The following GDI2 variants were observed in gnomAD, a reference collection of about 807,000 sequenced individuals.
GDI2 encodes the protein GDP dissociation inhibitor 2, also known as rab GDP dissociation inhibitor beta.
Under a neutral mutation model 54.2 loss-of-function variants are expected in GDI2, and 22 were observed. That is an observed-to-expected ratio of 0.41 (90% confidence interval 0.29 to 0.58). The LOEUF (loss-of-function observed/expected upper bound fraction) is 0.58, where lower values mean the gene tolerates loss of function less well. Ranked by LOEUF, GDI2 falls within the 20% of genes least tolerant of loss-of-function variation. The pLI, the probability that GDI2 is intolerant of heterozygous loss-of-function variation, is 0.35. For synonymous variants in GDI2, 177 were observed against 182.1 expected (o/e 0.97, Z 0.23); for missense variants, 422 against 546.0 (o/e 0.77, Z 2.26).
chr10:5,780,491 T>A (rs986589248), intron 6 of GDI2, among the ~76,000 whole-genome samples: 1 of 151,300 alleles, frequency 6.6e-6, no homozygotes, highest in Admixed American at 6.7e-5. Flanking sequence ...ACAGATGACA[T>A]GACTGTGTAG....
At chr10:5,790,416 GGTGGATCACCT>G (rs1313501124) in intron 4 of GDI2, among the ~76,000 whole-genome samples, 1 of 152,104 alleles carries the variant, frequency 6.6e-6, no homozygotes, top group African/African-American at 2.4e-5. Flanking sequence ...GAACGAGGCA[GGTGGATCACCT>G]GAAATCAGAA....
intron 7 of GDI2, among the ~76,000 whole-genome samples, chr10:5,771,468 T>A (rs1433796492): frequency 6.6e-6 from 1 of 152,190 alleles, no homozygotes; most frequent in Non-Finnish European, 1.5e-5. Flanking sequence ...TTAGCATATT[T>A]TATGTGTGAC....
At chr10:5,804,982 C>T (rs994612894) in intron 1 of GDI2, among the ~76,000 whole-genome samples, 49 of 152,000 alleles carry the variant, frequency 3.2e-4, no homozygotes, top group Admixed American at 2.6e-4. Flanking sequence ...TACAGGTGTG[C>T]GCCACCACGC....
intron 1 of GDI2, among the ~76,000 whole-genome samples, chr10:5,801,947 G>A (rs894469068): frequency 1.3e-5 from 2 of 152,114 alleles, no homozygotes; most frequent in African/African-American, 4.8e-5. Flanking sequence ...GGCAGAGGCT[G>A]CTGTGAGCTG....
Position 5,768,613 on chromosome 10 carries a change from G to T in GDI2, c.820-229C>A, listed in dbSNP as rs368775928. ...AAGCTACAGTGATCAATTCAGTGTG[G>T]TACTGGCATAATGACAAACGTATGG... On this transcript the variant is annotated intron_variant, in intron 7 of 10. Coordinates refer to ENST00000380191, the MANE Select transcript of GDI2 (RefSeq NM_001494.4). This position sits in a 1 kb window ranked among gnomAD's most constrained non-coding sequence, Gnocchi z 4.4. 6 of 490,054 alleles carry T rather than the reference G, an allele frequency of 1.2e-5. No individual in the cohort carries two copies. The highest frequency in any genetic ancestry group is 1.2e-4 in the African/African-American group (6 of 51,686). The allele number at this position is 490,054 out of a possible 1,614,324, so 30.4% of individuals were successfully genotyped here.
At chr10:5,770,638 A>G (rs903229260) in intron 7 of GDI2, among the ~76,000 whole-genome samples, 2 of 152,000 alleles carry the variant, frequency 1.3e-5, no homozygotes, top group African/African-American at 2.4e-5. Flanking sequence ...AATATATTTA[A>G]TACCACTGAA....
intron 3 of GDI2, 29 bp downstream of exon 3, chr10:5,796,734 G>T: frequency 9.9e-7 from 1 of 1,014,270 alleles, no homozygotes; most frequent in African/African-American, 1.6e-5. Flanking sequence ...TCAAAGTACT[G>T]TCATAAATTT....
intron 2 of GDI2, among the ~76,000 whole-genome samples, chr10:5,799,921 T>C (rs926405295): frequency 1.3e-5 from 2 of 152,222 alleles, no homozygotes; most frequent in African/African-American, 4.8e-5. Flanking sequence ...TGAACTCTGA[T>C]GGAAGATTTT....
chr10:5,811,283 C>G (rs1003674327), intron 1 of GDI2, among the ~76,000 whole-genome samples: 1 of 152,136 alleles, frequency 6.6e-6, no homozygotes, highest in African/African-American at 2.4e-5. Context: ...GTTATCACAG[C>G]TACAAAATGA....
At chr10:5,779,777 T>C (rs1337104138) in intron 6 of GDI2, among the ~76,000 whole-genome samples, 1 of 150,884 alleles carries the variant, frequency 6.6e-6, no homozygotes, top group Non-Finnish European at 1.5e-5. Context: ...CACTGCAGTC[T>C]CAACCTCTCA....
Position 5,797,530 on chromosome 10 carries a change from T to A in GDI2, c.154-668A>T, listed in dbSNP as rs1161375317. ...ACTGCACTCCAGCCTAGTGACAGAG[T>A]GAGACTCCATCTCAAAAAAAAAAAA... On this transcript the variant is annotated intron_variant, in intron 2 of 10. Transcript: ENST00000380191. Among the ~76,000 whole-genome samples the A allele has an allele frequency of 3.7e-5, 4 of 107,920 alleles. No homozygotes were observed. In the East Asian group the frequency reaches 1.0e-3, roughly 28 times the overall value. The allele number at this position is 107,920 out of a possible 152,430, so 70.8% of individuals were successfully genotyped here. A position where few individuals can be genotyped will look rare whatever the true frequency, so the allele number is the denominator to read the frequency against.
chr10:5,806,052 G>C (rs1841373028), intron 1 of GDI2, among the ~76,000 whole-genome samples: 1 of 152,142 alleles, frequency 6.6e-6, no homozygotes, highest in African/African-American at 2.4e-5. Flanking sequence ...GTGCATTTCT[G>C]TTATATATCA....
At chr10:5,780,912 C>T (rs1840739742) in intron 6 of GDI2, among the ~76,000 whole-genome samples, 1 of 152,086 alleles carries the variant, frequency 6.6e-6, no homozygotes, top group Non-Finnish European at 1.5e-5. Flanking sequence ...ATTTTAAAAA[C>T]GTATATGGAA....
At chr10:5,801,825 A>G (rs1841275784) in intron 1 of GDI2, among the ~76,000 whole-genome samples, 1 of 152,160 alleles carries the variant, frequency 6.6e-6, no homozygotes, top group East Asian at 1.9e-4. Flanking sequence ...AGCCTGGGCA[A>G]TACGGTGAAA....
intron 1 of GDI2, among the ~76,000 whole-genome samples, chr10:5,811,120 G>GT: frequency 6.6e-6 from 1 of 152,002 alleles, no homozygotes; most frequent in South Asian, 2.1e-4. Context: ...CTAATTCCTG[G>GT]TAACACTAAA....
rs1386110276 is a variant in GDI2, at chr10:5,809,981, C to T, written c.45+3233G>A. ...AGCATTTGCAAATATTGATCCTATGCTCACTACTGTAGTGAATAGAAAGTC... is the reference window on the plus strand; with the variant it reads ...AGCATTTGCAAATATTGATCCTATGTTCACTACTGTAGTGAATAGAAAGTC... On this transcript the variant is annotated intron_variant, in intron 1 of 10. Transcript: ENST00000380191. Among the ~76,000 whole-genome samples, 14 of 152,224 alleles carry T rather than the reference C, an allele frequency of 9.2e-5. 1 individual carries two copies. The highest frequency in any genetic ancestry group is 9.2e-4 in the Admixed American group (14 of 15,280).
In GDI2 at chr10:5,800,699, T is replaced by C. The variant is rs1841249719; in HGVS notation, c.52A>G (p.Ile18Val). The C allele has an allele frequency of 1.3e-6, 2 of 1,490,536 alleles. No individual in the cohort carries two copies. The highest frequency in any genetic ancestry group is 1.1e-5 in the South Asian group (1 of 88,618). 92.3% of individuals were successfully genotyped at this position (1,490,536 alleles called of 1,614,324 possible). ...TTCACTGACATTATACCTGACAGGA[T>C]ACATTCCTATAGAAAAAGCATAGTA... Reference protein sequence around the residue: ...IVLGTGLTECILSGIMSVNGK... With the variant: ...IVLGTGLTECVLSGIMSVNGK... Residue 18 changes from isoleucine (I) to valine (V), a missense_variant, in exon 2 of 11, where the codon ATC (isoleucine) becomes GTC (valine). Physicochemically the swap from Ile to Val is conservative, Grantham distance 29 (BLOSUM62 3). Transcript: ENST00000380191.
intron 2 of GDI2, among the ~76,000 whole-genome samples, chr10:5,799,581 G>C (rs926790395): frequency 6.6e-6 from 1 of 152,222 alleles, no homozygotes; most frequent in Non-Finnish European, 1.5e-5. Context: ...GAACCCAGAA[G>C]GTGGAAGCCA....
At chr10:5,784,897 A>G (rs1300025857) in intron 6 of GDI2, among the ~76,000 whole-genome samples, 1 of 152,206 alleles carries the variant, frequency 6.6e-6, no homozygotes, top group Non-Finnish European at 1.5e-5. Flanking sequence ...CTGGTTTTGT[A>G]TTGGCTGGCC....
Sources: allele counts gnomAD v4.1 joint callset (sites outside exome capture counted in the v4.1 genomes callset), GRCh38; gene constraint gnomAD v4.1.1; non-coding constraint Gnocchi (gnomAD v3.1); transcripts MANE v1.5; gene names NCBI Gene and HGNC (gene_info 2026-07-23, HGNC 2026-07-21).